The following CCNH variants were observed in gnomAD, a reference collection of about 807,000 sequenced individuals.
The protein encoded by CCNH is cyclin H.
Under a neutral mutation model 41.9 loss-of-function variants are expected in CCNH, and 31 were observed. The observed-to-expected ratio is 0.74, with a 90% CI of 0.56 to 1.00. CCNH has a LOEUF of 1.00. Among genes scored for constraint, CCNH ranks in the 50% least tolerant of loss-of-function variants. The pLI, the probability that CCNH is intolerant of heterozygous loss-of-function variation, is 0.00. For missense variants in CCNH, 362 were observed against 388.4 expected (o/e 0.93, Z 0.57); for synonymous variants, 138 against 136.1 (o/e 1.01, Z -0.10).
intron 9 of CCNH, among the ~76,000 whole-genome samples, chr5:87,332,900 T>C (rs1254620988): frequency 6.6e-6 from 1 of 152,170 alleles, no homozygotes; most frequent in Non-Finnish European, 1.5e-5. Flanking sequence ...TATTTCTGAA[T>C]GTATGGGAAC....
At chr5:87,412,622 G>A in intron 1 of CCNH, 56 bp downstream of exon 1, 3 of 1,597,808 alleles carry the variant, frequency 1.9e-6, no homozygotes, top group Non-Finnish European at 1.7e-6. Context: ...AAGAGCTCCC[G>A]CAGCTGCTCA....
chr5:87,391,676 ATTTCT>A, downstream of CCNH: 1 of 232,854 alleles, frequency 4.3e-6, no homozygotes, highest in Non-Finnish European at 8.5e-6. Context: ...TAGACTACCA[ATTTCT>A]TTTATGTTAA....
At position 87,334,898 on chromosome 5, in the gene CCNH, T is replaced by A. The variant is rs1580288873; in HGVS notation, c.*91-16001A>T. ...CTGAACTAGTTTGTTCCTTTTTTTT[T>A]TTTGAGACAGAATCTTGCTCTGTTA... On this transcript the variant is annotated intron_variant and NMD_transcript_variant, in intron 9 of 9. Coordinates refer to the CCNH transcript ENST00000645953. Among the ~76,000 whole-genome samples the A allele has an allele frequency of 2.0e-5, 3 of 152,286 alleles. No homozygotes were observed. The Middle Eastern group carries it at 0.01, about 518-fold the overall frequency.
intron 7 of CCNH, among the ~76,000 whole-genome samples, chr5:87,396,576 C>T (rs1211944612): frequency 3.3e-5 from 5 of 152,008 alleles, no homozygotes; most frequent in Admixed American, 6.6e-5. Context: ...AGTGAGATCA[C>T]GCCACTGCAC....
At position 87,395,447 on chromosome 5, in the gene CCNH, C is replaced by T. The variant is rs149437440; in HGVS notation, c.873-343G>A. Among the ~76,000 whole-genome samples, 6 of 152,016 alleles carry T rather than the reference C, an allele frequency of 3.9e-5. No homozygotes were observed. In the East Asian group the frequency reaches 5.8e-4, roughly 15 times the overall value. ...TCTTTAAAGCACACTACAAAAGCTA[C>T]GGTAATTAAAAGTGAGATATTAAAC... On this transcript the variant is annotated intron_variant, in intron 7 of 8. Transcript: ENST00000256897.
chr5:87,374,537 A>C (rs1343580966), downstream of CCNH, among the ~76,000 whole-genome samples: 1 of 148,542 alleles, frequency 6.7e-6, no homozygotes, highest in African/African-American at 2.5e-5. Flanking sequence ...CTTAGTTATT[A>C]ACATGAATTA....
At chr5:87,334,678 T>C (rs1479376572) in intron 9 of CCNH, among the ~76,000 whole-genome samples, 2 of 152,230 alleles carry the variant, frequency 1.3e-5, no homozygotes, top group Non-Finnish European at 2.9e-5. Context: ...TGTACTGTAT[T>C]CTTCACTGTT....
At chr5:87,385,181 C>T (rs1238270775) in intron 9 of CCNH, 14 of 724,162 alleles carry the variant, frequency 1.9e-5, no homozygotes, top group South Asian at 9.4e-5. Flanking sequence ...TTCTGAGTTC[C>T]GAATGGAAGA....
intron 9 of CCNH, among the ~76,000 whole-genome samples, chr5:87,358,839 G>A (rs935991767): frequency 1.3e-5 from 2 of 152,064 alleles, no homozygotes; most frequent in African/African-American, 2.4e-5. Flanking sequence ...CCTTCCTTAG[G>A]ATCTTTGCTG....
chr5:87,315,101 T>C (rs1756224830), downstream of CCNH, among the ~76,000 whole-genome samples: 1 of 152,240 alleles, frequency 6.6e-6, no homozygotes, highest in South Asian at 2.1e-4. Context: ...TCATATTCAC[T>C]ATGTTCATAA....
exon 1 of CCNH, chr5:87,376,402 G>T: frequency 6.2e-7 from 1 of 1,613,698 alleles, no homozygotes; most frequent in Non-Finnish European, 8.5e-7. Flanking sequence ...GTATTTATGC[G>T]CTGCCAGTTG....
intron 1 of CCNH, 107 bp downstream of exon 1, chr5:87,412,571 G>A (rs1764341325): frequency 2.0e-6 from 3 of 1,502,746 alleles, no homozygotes; most frequent in Non-Finnish European, 1.8e-6. Flanking sequence ...CCGCGCCGCA[G>A]AGGCAGAGAA....
Position 87,338,536 on chromosome 5 carries a change from A to ATATATATATATATTT in CCNH, c.*91-19640_*91-19639insAAATATATATATATA. Among the ~76,000 whole-genome samples, 140 of 85,150 alleles carry ATATATATATATATTT rather than the reference A, an allele frequency of 1.6e-3. 6 individuals are homozygous for ATATATATATATATTT. Among genetic ancestry groups the ATATATATATATATTT allele is most frequent in the Middle Eastern group, 0.015 (2 of 134 alleles). 55.9% of individuals were successfully genotyped at this position (85,150 alleles called of 152,430 possible). On this transcript the variant is annotated intron_variant and NMD_transcript_variant, in intron 9 of 9. Transcript: ENST00000645953. ...ATATATATATATATATATATATAAA[A>ATATATATATATATTT]TTTTTTTTTTTTTTAAGTAGAAATG...
intron 9 of CCNH, among the ~76,000 whole-genome samples, chr5:87,321,006 G>A (rs1756755907): frequency 6.6e-6 from 1 of 152,182 alleles, no homozygotes; most frequent in African/African-American, 2.4e-5. Context: ...ACACTTCTGA[G>A]CTATTAGAGT....
chr5:87,339,570 G>A (rs1424603098), intron 9 of CCNH, among the ~76,000 whole-genome samples: 2 of 151,958 alleles, frequency 1.3e-5, no homozygotes. Flanking sequence ...TGGAATTCTG[G>A]ATCAAATTTA....
intron 8 of CCNH, 149 bp from the exon 9 acceptor site, chr5:87,394,633 A>G: frequency 4.1e-6 from 6 of 1,458,152 alleles, no homozygotes; most frequent in Non-Finnish European, 4.5e-6. Flanking sequence ...GTTCACTGTT[A>G]GTAATGTTGG....
At chr5:87,343,148 A>G (rs1379585608) in intron 9 of CCNH, among the ~76,000 whole-genome samples, 2 of 152,184 alleles carry the variant, frequency 1.3e-5, no homozygotes, top group Non-Finnish European at 2.9e-5. Flanking sequence ...ATCTACAAGT[A>G]ACCTTTGAGA....
rs1240560234 is a variant in CCNH, at chr5:87,412,903, G to C, written c.-109C>G. The C allele has an allele frequency of 1.3e-6, 2 of 1,501,200 alleles. No homozygotes were observed. Among genetic ancestry groups the C allele is most frequent in the African/African-American group, 1.4e-5 (1 of 71,956 alleles). The allele number at this position is 1,501,200 out of a possible 1,614,324, so 93.0% of individuals were successfully genotyped here. Reference sequence around the variant, plus strand: ...ACCGAAGATCTCGCGGAAGCCTAGGGCGTCCGGCTAGCCGGCGCTGGCGCG... The same window carrying C: ...ACCGAAGATCTCGCGGAAGCCTAGGCCGTCCGGCTAGCCGGCGCTGGCGCG... On this transcript the variant is annotated 5_prime_UTR_variant, in exon 1 of 9. Coordinates refer to ENST00000256897, the MANE Select transcript of CCNH (RefSeq NM_001239.4).
intron 9 of CCNH, among the ~76,000 whole-genome samples, chr5:87,325,946 C>T (rs1757198998): frequency 6.6e-6 from 1 of 152,100 alleles, no homozygotes; most frequent in Non-Finnish European, 1.5e-5. Flanking sequence ...CGGATGTGTT[C>T]CAGCAATATG....
Sources: allele counts gnomAD v4.1 joint callset (sites outside exome capture counted in the v4.1 genomes callset), GRCh38; gene constraint gnomAD v4.1.1; transcripts MANE v1.5; gene names NCBI Gene and HGNC (gene_info 2026-07-23, HGNC 2026-07-21).